TMEM154: variants seen among roughly 807,000 people sequenced by gnomAD.
The protein encoded by TMEM154 is transmembrane protein 154.
In TMEM154, 27 loss-of-function variants were observed where a neutral mutation model predicts 24.5. That is an observed-to-expected ratio of 1.10 (90% CI 0.81 to 1.52). The LOEUF (loss-of-function observed/expected upper bound fraction) is 1.52, where lower values mean the gene tolerates loss of function less well. Ranked by LOEUF, TMEM154 falls within the 40% of genes most tolerant of loss-of-function variation. TMEM154 has a pLI of 0.00. For synonymous variants in TMEM154, 67 were observed against 76.8 expected (o/e 0.87, Z 0.67); for missense variants, 228 against 213.4 (o/e 1.07, Z -0.43).
intron 1 of TMEM154, chr4:152,666,578 C>T (rs1451248127): frequency 1.3e-5 from 2 of 152,138 alleles, no homozygotes; most frequent in Non-Finnish European, 2.9e-5. Context: ...TCTCAAAGTG[C>T]CAGGATTACA....
chr4:152,655,660 CAT>C (rs1470962037), intron 1 of TMEM154, among the ~76,000 whole-genome samples: 1 of 148,758 alleles, frequency 6.7e-6, no homozygotes, highest in African/African-American at 2.5e-5. Flanking sequence ...GGCGCTCACA[CAT>C]GTTTATGTGC....
In TMEM154 at chr4:152,628,411, A is replaced by T. The variant is rs1357616399; in HGVS notation, c.*135T>A. ...ATCATTAGGAAGAGTGGGCGTTGGA[A>T]GAAACAGCAAAAGGTTCTTGTGTCT... is the stretch of plus-strand genomic sequence containing the variant. On this transcript the variant is annotated 3_prime_UTR_variant, in exon 7 of 7. Transcript: ENST00000304385. 2.5e-5 allele frequency: 36 copies of T among 1,435,388 alleles called. No homozygotes were observed. The highest frequency in any genetic ancestry group is 3.5e-5 in the Non-Finnish European group (36 of 1,034,256). 88.9% of individuals were successfully genotyped at this position (1,435,388 alleles called of 1,614,324 possible).
chr4:152,645,934 TACACACACACAC>T lies in TMEM154; in HGVS notation c.365-1504_365-1493del, dbSNP rs10545647. Reference sequence around the variant, plus strand: ...GAAACTTAGATGGGGGAAAGGAGAATACACACACACACACACACACACACACACACACACACA... The same window carrying T: ...GAAACTTAGATGGGGGAAAGGAGAATACACACACACACACACACACACACA... On this transcript the variant is annotated intron_variant, in intron 3 of 6. Coordinates refer to ENST00000304385, the MANE Select transcript of TMEM154 (RefSeq NM_152680.3). Among the ~76,000 whole-genome samples the T allele has an allele frequency of 1.7e-3, 235 of 140,564 alleles. 2 individuals are homozygous for T. The highest frequency in any genetic ancestry group is 0.014 in the South Asian group (59 of 4,186). The allele number at this position is 140,564 out of a possible 152,430, so 92.2% of individuals were successfully genotyped here. A position where few individuals can be genotyped will look rare whatever the true frequency, so the allele number is the denominator to read the frequency against.
At chr4:152,659,567 C>T (rs1561054098) in intron 1 of TMEM154, among the ~76,000 whole-genome samples, 1 of 152,058 alleles carries the variant, frequency 6.6e-6, no homozygotes, top group Non-Finnish European at 1.5e-5. Context: ...TGATGGATAC[C>T]CCAAATACAC....
chr4:152,676,270 C>T (rs1728951146), intron 1 of TMEM154, among the ~76,000 whole-genome samples: 1 of 152,192 alleles, frequency 6.6e-6, no homozygotes, highest in African/African-American at 2.4e-5. Flanking sequence ...AATTGACATG[C>T]AGCCACCGCA....
rs1296451968 is a variant in TMEM154, at chr4:152,626,075, C to T, written c.*2471G>A. 6.6e-6 allele frequency: 1 copy of T among 152,544 alleles called. No homozygotes were observed. Among genetic ancestry groups the T allele is most frequent in the Admixed American group, 6.6e-5 (1 of 15,266 alleles). The allele number at this position is 152,544 out of a possible 1,614,324, so 9.4% of individuals were successfully genotyped here. A position where few individuals can be genotyped will look rare whatever the true frequency, so the allele number is the denominator to read the frequency against. ...TTGCATTGGGTAACAAAGCCCTTCC[C>T]AGAGGGAGGAGTCACACCATTGGGT... On this transcript the variant is annotated 3_prime_UTR_variant, in exon 7 of 7. Coordinates refer to ENST00000304385, the MANE Select transcript of TMEM154 (RefSeq NM_152680.3).
At chr4:152,645,919 T>TG (rs1752360043) in intron 3 of TMEM154, among the ~76,000 whole-genome samples, 1 of 142,364 alleles carries the variant, frequency 7.0e-6, no homozygotes, top group Non-Finnish European at 1.5e-5. Context: ...GAAACTTAGA[T>TG]GGGGGAAAGG....
rs771085091 is a variant in TMEM154 at position 152,679,886 on chromosome 4, G to A, written c.48C>T (p.Leu16=). Residue 16 remains leucine (L), a synonymous_variant, in exon 1 of 7, where the codon CTC becomes CTT. Coordinates refer to ENST00000304385, the MANE Select transcript of TMEM154 (RefSeq NM_152680.3). ...GCGGCTTACCCCGGCCGACGGGAAC[G>A]AGCGCGATCACCAGGGCGAAGACTA... ...AALVFALVIA[L]VPVGRGNYEE... 8.7e-6 allele frequency: 14 copies of A among 1,610,196 alleles called. No homozygotes were observed. Among genetic ancestry groups the A allele is most frequent in the Middle Eastern group, 3.3e-4 (2 of 6,066 alleles).
intron 4 of TMEM154, 29 bp from the exon 5 acceptor site, chr4:152,643,202 G>T (rs753239697): frequency 6.6e-7 from 1 of 1,504,976 alleles, no homozygotes; most frequent in South Asian, 1.2e-5. Flanking sequence ...AGACTTGTTA[G>T]AAAGAAATGT....
At position 152,622,806 on chromosome 4, in the gene TMEM154, A is replaced by C. The variant is rs529014628; in HGVS notation, c.*5740T>G. The C allele has an allele frequency of 6.6e-6, 1 of 152,316 alleles. No individual in the cohort carries two copies. The highest frequency in any genetic ancestry group is 1.9e-4 in the East Asian group (1 of 5,190). The allele number at this position is 152,316 out of a possible 1,614,324, so 9.4% of individuals were successfully genotyped here. ...AGTCTTAAAATTCTGATAGTTTTAC[A>C]AATTAGTTCTAATCCGTAGCAATGG... is the stretch of plus-strand genomic sequence containing the variant. On this transcript the variant is annotated 3_prime_UTR_variant, in exon 7 of 7. Transcript: ENST00000304385.
At chr4:152,660,050 G>A (rs1469099524) in intron 1 of TMEM154, among the ~76,000 whole-genome samples, 1 of 152,256 alleles carries the variant, frequency 6.6e-6, no homozygotes, top group East Asian at 1.9e-4. Context: ...GATAAGGGGG[G>A]ACTACTGTAT....
intron 3 of TMEM154, among the ~76,000 whole-genome samples, chr4:152,648,915 T>G (rs1471935740): frequency 6.6e-6 from 1 of 152,226 alleles, no homozygotes; most frequent in Non-Finnish European, 1.5e-5. Context: ...TCTGTTTGCT[T>G]TTTTTTCTTA....
In TMEM154 at chr4:152,640,984, G is replaced by A. The variant is rs367910221; in HGVS notation, c.480C>T (p.Ala160=). Residue 160 remains alanine, a splice_region_variant and synonymous_variant, in exon 6 of 7, where the codon GCC becomes GCT. Transcript: ENST00000304385. ...TCAAGGTAGGTAAACATTCAAAGTC[G>A]GCTAGGACAGAATAAAAGCAAACTC... ...DKWMNSMNRN[A]DFECLPTLKE... 93 of 1,608,162 alleles carry A rather than the reference G, an allele frequency of 5.8e-5. 4 individuals are homozygous for A. Among genetic ancestry groups the A allele is most frequent in the Admixed American group, 2.9e-4 (17 of 58,772 alleles).
chr4:152,640,797 T>A (rs1752239582), intron 6 of TMEM154, 131 bp downstream of exon 6: 1 of 745,886 alleles, frequency 1.3e-6, no homozygotes, highest in Non-Finnish European at 2.2e-6. Context: ...ACTATGCACA[T>A]ATCCAGCCGC....
Position 152,621,145 on chromosome 4 carries a change from T to C in TMEM154, c.*7401A>G, listed in dbSNP as rs973343249. The C allele has an allele frequency of 2.0e-5, 3 of 152,266 alleles. No individual in the cohort carries two copies. The highest frequency in any genetic ancestry group is 2.0e-4 in the Admixed American group (3 of 15,292). The allele number at this position is 152,266 out of a possible 1,614,324, so 9.4% of individuals were successfully genotyped here. On this transcript the variant is annotated 3_prime_UTR_variant, in exon 7 of 7. Transcript: ENST00000304385. ...TGAGATGTAAGCAGAGTTGCTTCACTGGGCTGGCAGGAAAGCTATTTAAAA... is the reference window on the plus strand; with the variant it reads ...TGAGATGTAAGCAGAGTTGCTTCACCGGGCTGGCAGGAAAGCTATTTAAAA...
intron 6 of TMEM154, among the ~76,000 whole-genome samples, chr4:152,630,042 G>A (rs1752005147): frequency 6.6e-6 from 1 of 152,106 alleles, no homozygotes; most frequent in Admixed American, 6.5e-5. Context: ...GGGTGGGCGT[G>A]GTGGCTCACA....
rs1051332365 is a variant in TMEM154 at position 152,625,034 on chromosome 4, G to T, written c.*3512C>A. On this transcript the variant is annotated 3_prime_UTR_variant, in exon 7 of 7. Transcript: ENST00000304385. ...TTATCACTCCACCAGATTCAGAATT[G>T]GTACTAATTCTGACAGAAGCTGAAA... is the stretch of plus-strand genomic sequence containing the variant. 1.4e-4 allele frequency: 21 copies of T among 152,168 alleles called. No homozygotes were observed. The highest frequency in any genetic ancestry group is 4.8e-4 in the African/African-American group (20 of 41,434). 9.4% of individuals were successfully genotyped at this position (152,168 alleles called of 1,614,324 possible). A position where few individuals can be genotyped will look rare whatever the true frequency, so the allele number is the denominator to read the frequency against.
At chr4:152,670,311 G>A (rs1429546259) in intron 1 of TMEM154, among the ~76,000 whole-genome samples, 3 of 152,202 alleles carry the variant, frequency 2.0e-5, no homozygotes, top group African/African-American at 7.2e-5. Context: ...GGGAGGCCGG[G>A]TGCGGTGGCT....
rs572509614 is a variant in TMEM154, at chr4:152,634,517, G to A, written c.537-5956C>T. On this transcript the variant is annotated intron_variant, in intron 6 of 6. Transcript: ENST00000304385. The stretch of plus-strand genomic sequence containing the variant: ...CCTGGTCTCAGGTGGAATGATTGAG[G>A]TAATGCATCTGGCTAACATCAGAGG... Among the ~76,000 whole-genome samples the A allele has an allele frequency of 3.9e-5, 6 of 152,308 alleles. No homozygotes were observed. The South Asian group carries it at 1.2e-3, about 32-fold the overall frequency.
Sources: gnomAD v4.1 joint callset for allele counts (sites outside exome capture counted in the v4.1 genomes callset) on GRCh38, gnomAD v4.1.1 for gene constraint, MANE v1.5 for transcripts, NCBI Gene and HGNC (gene_info 2026-07-23, HGNC 2026-07-21) for gene names.